Variants in RALB observed in about 807,000 individuals in gnomAD.
RALB encodes the protein ras-related protein Ral-B.
In RALB, 16 loss-of-function variants were observed where a neutral mutation model predicts 21.3. That is an observed-to-expected ratio of 0.75 (90% CI 0.51 to 1.14). The LOEUF (loss-of-function observed/expected upper bound fraction) is 1.14, where lower values mean the gene tolerates loss of function less well. Among genes scored for constraint, RALB ranks in the 50% most tolerant of loss-of-function variants. The pLI, the probability that RALB is intolerant of heterozygous loss-of-function variation, is 0.00. For synonymous variants in RALB, 93 were observed against 96.1 expected, an observed-to-expected ratio of 0.97 and a Z score of 0.19; for missense variants, 161 against 256.2, an observed-to-expected ratio of 0.63 and a Z score of 2.54.
intron 1 of RALB, among the ~76,000 whole-genome samples, chr2:120,269,359 G>A (rs897924733): frequency 6.6e-6 from 1 of 152,232 alleles, no homozygotes; most frequent in Admixed American, 6.5e-5. Flanking sequence ...ACAGCAGTAA[G>A]ATTTATTGTG....
chr2:120,252,128 T>TGTG (rs1272451337), upstream of RALB, among the ~76,000 whole-genome samples: 1 of 151,914 alleles, frequency 6.6e-6, no homozygotes, highest in Non-Finnish European at 1.5e-5. Flanking sequence ...TCACAAAACC[T>TGTG]GTGGAGGAGG....
At position 120,289,656 on chromosome 2, in the gene RALB, G is replaced by T. The variant is rs1690260337; in HGVS notation, c.400G>T (p.Glu134Ter). 1 of 1,614,108 alleles carries T rather than the reference G, an allele frequency of 6.2e-7. No homozygotes were observed. Among genetic ancestry groups the T allele is most frequent in the Admixed American group, 1.7e-5 (1 of 60,012 alleles). Residue 134 changes from glutamate to a stop codon, truncating the protein, a stop_gained, in exon 4 of 5, where the codon GAG (glutamate) becomes TAG (stop). Transcript: ENST00000272519. LOFTEE classifies it high-confidence loss of function. ...CGTGGGAAACAAGTCTGACCTAGAG[G>T]AGCGGAGGCAGGTGCCTGTGGAGGA... ...LVVGNKSDLE[E>*]RRQVPVEEAR...
rs558535307 is a variant in RALB at position 120,286,172 on chromosome 2, A to G, written c.323+90A>G. The stretch of plus-strand genomic sequence containing the variant: ...GCCTATGAAGAATTTGGGGCTGAGC[A>G]TACTAGGAGAGGGCTGAGCTTGTTC... On this transcript the variant is annotated intron_variant, in intron 3 of 4. Transcript: ENST00000272519. 5 of 1,055,426 alleles carry G rather than the reference A, an allele frequency of 4.7e-6. No homozygotes were observed. In the African/African-American group the frequency reaches 7.9e-5, roughly 17 times the overall value. The allele number at this position is 1,055,426 out of a possible 1,614,324, so 65.4% of individuals were successfully genotyped here. A position where few individuals can be genotyped will look rare whatever the true frequency, so the allele number is the denominator to read the frequency against.
rs1689503818 is a variant in RALB, at chr2:120,266,450, G to C, written c.-47-12168G>C. ...AGTAGAGACGCAGTTTCACTATGTT[G>C]GTTGGCCAGGATGGTCTCAATCTCT... On this transcript the variant is annotated intron_variant, in intron 1 of 4. Coordinates refer to ENST00000272519, the MANE Select transcript of RALB (RefSeq NM_002881.3). Among the ~76,000 whole-genome samples, 3 of 152,140 alleles carry C rather than the reference G, an allele frequency of 2.0e-5. No individual in the cohort carries two copies. The South Asian group carries it at 6.2e-4, about 31-fold the overall frequency.
chr2:120,289,076 T>C (rs886345719), intron 3 of RALB, among the ~76,000 whole-genome samples: 1 of 152,198 alleles, frequency 6.6e-6, no homozygotes, highest in Non-Finnish European at 1.5e-5. Context: ...TGCGACCCAC[T>C]AGATTGGTTT....
At chr2:120,253,551 G>A in intron 1 of RALB, 2 of 985,614 alleles carry the variant, frequency 2.0e-6, no homozygotes, top group Non-Finnish European at 2.4e-6. Context: ...CTTCTAAGGG[G>A]AAGCGCCTGG....
chr2:120,275,288 A>C (rs1198077315), intron 1 of RALB, among the ~76,000 whole-genome samples: 1 of 152,090 alleles, frequency 6.6e-6, no homozygotes, highest in African/African-American at 2.4e-5. Flanking sequence ...GCATGCGCAC[A>C]CATGCACATG....
At chr2:120,256,697 G>A (rs1434847186) in intron 1 of RALB, among the ~76,000 whole-genome samples, 4 of 152,070 alleles carry the variant, frequency 2.6e-5, no homozygotes, top group Admixed American at 2.6e-4. Flanking sequence ...ACCCAGTCTC[G>A]GATATTTCTT....
chr2:120,279,242 C>T (rs1689923743), intron 2 of RALB, among the ~76,000 whole-genome samples: 1 of 152,168 alleles, frequency 6.6e-6, no homozygotes, highest in African/African-American at 2.4e-5. Flanking sequence ...CTTGCACTAT[C>T]CTTGCCCAAA....
intron 1 of RALB, among the ~76,000 whole-genome samples, chr2:120,277,779 ATG>A (rs748031938): frequency 2.7e-4 from 40 of 149,830 alleles, no homozygotes; most frequent in African/African-American, 6.1e-4. Context: ...GTGTGCTAGC[ATG>A]TGTGAGCCTG....
At chr2:120,248,211 C>T (rs1048561230), upstream of RALB, among the ~76,000 whole-genome samples, 1 of 152,090 alleles carries the variant, frequency 6.6e-6, no homozygotes, top group Admixed American at 6.5e-5. Context: ...CTAATTGATG[C>T]GGTTACCAAA....
intron 3 of RALB, among the ~76,000 whole-genome samples, chr2:120,287,602 G>A (rs1370482544): frequency 6.6e-6 from 1 of 152,142 alleles, no homozygotes; most frequent in African/African-American, 2.4e-5. Flanking sequence ...AAGGGAAGTG[G>A]GCAGGAGAGT....
chr2:120,271,481 G>C (rs1215125740), intron 1 of RALB, among the ~76,000 whole-genome samples: 1 of 152,188 alleles, frequency 6.6e-6, no homozygotes, highest in African/African-American at 2.4e-5. Flanking sequence ...GCTAAGATGG[G>C]CTGGAGGACC....
intron 1 of RALB, among the ~76,000 whole-genome samples, chr2:120,241,030 G>T (rs1574838394): frequency 6.6e-6 from 1 of 152,204 alleles, no homozygotes; most frequent in East Asian, 1.9e-4. Flanking sequence ...CCACTGTCAC[G>T]GGGTGTGCGT....
In RALB at chr2:120,294,526, A is replaced by G. The variant is rs994258525; in HGVS notation, c.*1266A>G. ...AGCCCAGTATTCACATTTTTTCCCCATTTTTCAGAAGCGACATTTCATATA... is the reference window on the plus strand; with the variant it reads ...AGCCCAGTATTCACATTTTTTCCCCGTTTTTCAGAAGCGACATTTCATATA... On this transcript the variant is annotated 3_prime_UTR_variant, in exon 5 of 5. Coordinates refer to ENST00000272519, the MANE Select transcript of RALB (RefSeq NM_002881.3). The G allele has an allele frequency of 1.2e-5, 4 of 342,070 alleles. No individual in the cohort carries two copies. The highest frequency in any genetic ancestry group is 4.8e-5 in the Admixed American group (1 of 20,916). The allele number at this position is 342,070 out of a possible 1,614,324, so 21.2% of individuals were successfully genotyped here. A position where few individuals can be genotyped will look rare whatever the true frequency, so the allele number is the denominator to read the frequency against.
intron 1 of RALB, among the ~76,000 whole-genome samples, chr2:120,254,676 C>T (rs1245425415): frequency 2.6e-5 from 2 of 77,076 alleles, no homozygotes; most frequent in African/African-American, 1.2e-4. Context: ...TTGAGATAAT[C>T]CTTTTTTTGT....
intron 1 of RALB, among the ~76,000 whole-genome samples, chr2:120,277,886 A>G (rs539649288): frequency 5.3e-5 from 8 of 150,476 alleles, no homozygotes; most frequent in Admixed American, 1.3e-4. Context: ...CATGAGTGTG[A>G]AAATGAGTGT....
At position 120,262,282 on chromosome 2, in the gene RALB, A is replaced by G. The variant is rs796801842; in HGVS notation, c.-48+9302A>G. Among the ~76,000 whole-genome samples, 16 of 152,284 alleles carry G rather than the reference A, an allele frequency of 1.1e-4. 1 individual carries two copies. The highest frequency in any genetic ancestry group is 3.6e-4 in the African/African-American group (15 of 41,550). On this transcript the variant is annotated intron_variant, in intron 1 of 4. Transcript: ENST00000272519. Reference sequence around the variant, plus strand: ...GACATTGGGGAGGGAGGAAGGACACATATCTGGTCTGTCTGGCCCTGAAGC... The same window carrying G: ...GACATTGGGGAGGGAGGAAGGACACGTATCTGGTCTGTCTGGCCCTGAAGC...
intron 1 of RALB, among the ~76,000 whole-genome samples, chr2:120,259,316 C>T (rs572396870): frequency 2.6e-5 from 4 of 152,254 alleles, no homozygotes; most frequent in Admixed American, 1.3e-4. Context: ...TTTGTCAGGG[C>T]GCTGATTGGT....
Sources: gnomAD v4.1 joint callset for allele counts (sites outside exome capture counted in the v4.1 genomes callset) on GRCh38, gnomAD v4.1.1 for gene constraint, MANE v1.5 for transcripts, NCBI Gene and HGNC (gene_info 2026-07-23, HGNC 2026-07-21) for gene names.